Variants in SLF1 observed in about 807,000 individuals in gnomAD.
SLF1 encodes SMC5/6 complex localization factor 1.
SLF1 carries 105 observed loss-of-function variants against 123.0 expected under a neutral mutation model. The ratio of observed to expected loss-of-function variants is 0.85; its 90% CI spans 0.73 to 1.00. The LOEUF (loss-of-function observed/expected upper bound fraction) is 1.00. SLF1 is among the 50% of genes least tolerant of loss of function. SLF1 has a pLI of 0.00. For missense variants in SLF1, 1,239 were observed against 1,223.0 expected, an observed-to-expected ratio of 1.01 and a Z score of -0.20; for synonymous variants, 434 against 406.6, an observed-to-expected ratio of 1.07 and a Z score of -0.81.
At chr5:94,668,201 C>T (rs1004153343) in intron 12 of SLF1, among the ~76,000 whole-genome samples, 5 of 152,034 alleles carry the variant, frequency 3.3e-5, no homozygotes, top group South Asian at 4.2e-4. Flanking sequence ...TGTGCAGTGG[C>T]GGGATCATAG....
Position 94,692,273 on chromosome 5 carries a change from T to C in SLF1, c.2695+17T>C. The C allele has an allele frequency of 6.2e-7, 1 of 1,601,406 alleles. No individual in the cohort carries two copies. Among genetic ancestry groups the C allele is most frequent in the South Asian group, 1.1e-5 (1 of 88,848 alleles). ...AGCATGGGGGTGAGTGTGTTTATGC[T>C]AAATGGGTTTTGATAAATTATCCAG... On this transcript the variant is annotated intron_variant, in intron 20 of 20. Transcript: ENST00000265140.
At chr5:94,652,966 A>T (rs1585154963) in intron 7 of SLF1, among the ~76,000 whole-genome samples, 1 of 152,056 alleles carries the variant, frequency 6.6e-6, no homozygotes, top group East Asian at 1.9e-4. Context: ...CAAGCGATTC[A>T]CCTGCCTCAG....
rs1386329091 is a variant in SLF1 at position 94,697,247 on chromosome 5, G to A, written c.*1935G>A. 2 of 151,812 alleles carry A rather than the reference G, an allele frequency of 1.3e-5. No homozygotes were observed. The highest frequency in any genetic ancestry group is 2.9e-5 in the Non-Finnish European group (2 of 67,882). The allele number at this position is 151,812 out of a possible 1,614,324, so 9.4% of individuals were successfully genotyped here. On this transcript the variant is annotated 3_prime_UTR_variant, in exon 21 of 21. Transcript: ENST00000265140. ...TGGCAAACATAGGTTACTGTGTTCT[G>A]TGCCCTGGCTAACAATACCAGTATA...
intron 16 of SLF1, among the ~76,000 whole-genome samples, chr5:94,687,584 A>G (rs1236367921): frequency 6.6e-6 from 1 of 152,006 alleles, no homozygotes; most frequent in African/African-American, 2.4e-5. Flanking sequence ...GGTCCCAGCT[A>G]CTCGGGAGGC....
intron 16 of SLF1, 26 bp from the exon 17 acceptor site, chr5:94,688,480 A>G: frequency 6.2e-7 from 1 of 1,603,644 alleles, no homozygotes; most frequent in Non-Finnish European, 8.5e-7. Flanking sequence ...TAGTTGAGAA[A>G]ATAATGCAAT....
Position 94,697,139 on chromosome 5 carries a change from A to C in SLF1, c.*1827A>C, listed in dbSNP as rs1025588281. 2 of 151,840 alleles carry C rather than the reference A, an allele frequency of 1.3e-5. No individual in the cohort carries two copies. The highest frequency in any genetic ancestry group is 4.8e-5 in the African/African-American group (2 of 41,402). The allele number at this position is 151,840 out of a possible 1,614,324, so 9.4% of individuals were successfully genotyped here. On this transcript the variant is annotated 3_prime_UTR_variant, in exon 21 of 21. Transcript: ENST00000265140. ...ACTGCTCTGTCTGCCAACTTCTACA[A>C]GCAGTGATGACATGAAGTGTGAAAC... is the stretch of plus-strand genomic sequence containing the variant.
In SLF1 at chr5:94,630,553, A is replaced by G; in HGVS notation, c.241A>G (p.Arg81Gly). Residue 81 changes from arginine to glycine, a missense_variant, in exon 4 of 21, where the codon AGA becomes GGA. Coordinates refer to ENST00000265140, the MANE Select transcript of SLF1 (RefSeq NM_032290.4). ...DYIIHSAKSGRWLDETTYEWG... is the reference protein window; with the variant it reads ...DYIIHSAKSGGWLDETTYEWG... ...TATAATTCATAGTGCCAAAAGTGGCAGATGGCTTGATGAAACAACTTATGA... is the reference window on the plus strand; with the variant it reads ...TATAATTCATAGTGCCAAAAGTGGCGGATGGCTTGATGAAACAACTTATGA... 6.4e-7 allele frequency: 1 copy of G among 1,551,644 alleles called. No individual in the cohort carries two copies. Among genetic ancestry groups the G allele is most frequent in the Non-Finnish European group, 8.7e-7 (1 of 1,146,912 alleles).
At chr5:94,648,186 T>C (rs2152477051) in intron 5 of SLF1, among the ~76,000 whole-genome samples, 1 of 152,308 alleles carries the variant, frequency 6.6e-6, no homozygotes, top group Non-Finnish European at 1.5e-5. Flanking sequence ...GTTGATACAT[T>C]CTTTGGTCCC....
At chr5:94,645,714 A>G (rs984517997) in intron 5 of SLF1, among the ~76,000 whole-genome samples, 5 of 152,218 alleles carry the variant, frequency 3.3e-5, no homozygotes, top group African/African-American at 1.2e-4. Context: ...AGATAGCAGA[A>G]AGTCTCCAAC....
intron 4 of SLF1, among the ~76,000 whole-genome samples, chr5:94,635,137 G>T (rs200099946): frequency 1.1e-5 from 1 of 91,934 alleles, no homozygotes; most frequent in Non-Finnish European, 2.4e-5. Flanking sequence ...AGTTTATCCC[G>T]TGTTTTTTTC....
chr5:94,686,621 C>G lies in SLF1; in HGVS notation c.2024C>G (p.Ser675Cys), dbSNP rs747178627. The G allele has an allele frequency of 6.2e-7, 1 of 1,614,020 alleles. No homozygotes were observed. The highest frequency in any genetic ancestry group is 1.7e-5 in the Admixed American group (1 of 60,022). ...ATTTTCATTTGCTCCTTTTCCTCCT[C>G]CTGGCTTCAAATGTTTGTTGCAGAG... ...LEIFICSFSS[S>C]WLQMFVAEAV... is the part of the protein sequence containing the mutation. The change falls in exon 16 of 21, where the codon TCC becomes TGC. Residue 675 changes from serine to cysteine, a missense_variant. Physicochemically the swap from Ser to Cys is moderately radical, Grantham distance 112. Coordinates refer to ENST00000265140, the MANE Select transcript of SLF1 (RefSeq NM_032290.4).
In SLF1 at chr5:94,651,578, C is replaced by G. The variant is rs371855070; in HGVS notation, c.739-124C>G. On this transcript the variant is annotated intron_variant, in intron 6 of 20. Transcript: ENST00000265140. ...TCAGAGGGTTCTTTACTCTATTTAA[C>G]CTTGTATGTATATTTTACAAAATCT... The G allele has an allele frequency of 9.3e-6, 6 of 644,548 alleles. No individual in the cohort carries two copies. The South Asian group carries it at 1.6e-4, about 17-fold the overall frequency. The allele number at this position is 644,548 out of a possible 1,614,324, so 39.9% of individuals were successfully genotyped here.
At chr5:94,664,981 A>C (rs781657011) in intron 11 of SLF1, among the ~76,000 whole-genome samples, 1 of 152,200 alleles carries the variant, frequency 6.6e-6, no homozygotes, top group Non-Finnish European at 1.5e-5. Context: ...GGTAATTGTA[A>C]AATTTTCCCT....
chr5:94,666,194 T>C (rs1749733420), intron 12 of SLF1, among the ~76,000 whole-genome samples, 170 bp downstream of exon 12: 1 of 152,198 alleles, frequency 6.6e-6, no homozygotes, highest in Admixed American at 6.5e-5. Context: ...CAAATCTATA[T>C]TGGTCATGTT....
At chr5:94,643,039 C>T (rs1746621487) in intron 4 of SLF1, among the ~76,000 whole-genome samples, 1 of 151,912 alleles carries the variant, frequency 6.6e-6, no homozygotes, top group Non-Finnish European at 1.5e-5. Flanking sequence ...AAAGCCTTTC[C>T]TTTATCAAGA....
rs991481454 is a variant in SLF1, at chr5:94,643,258, T to A, written c.432-15T>A. The A allele has an allele frequency of 2.0e-6, 3 of 1,499,966 alleles. No homozygotes were observed. The highest frequency in any genetic ancestry group is 2.7e-6 in the Non-Finnish European group (3 of 1,119,556). 92.9% of individuals were successfully genotyped at this position (1,499,966 alleles called of 1,614,324 possible). On this transcript the variant is annotated splice_polypyrimidine_tract_variant and intron_variant, in intron 4 of 20. Coordinates refer to ENST00000265140, the MANE Select transcript of SLF1 (RefSeq NM_032290.4). ...AATTTTCTAATACTTTTATACCATT[T>A]ACATTTTTATTTAGAGTTTTGGAGG...
intron 16 of SLF1, 45 bp from the exon 17 acceptor site, chr5:94,688,461 C>A: frequency 1.3e-6 from 2 of 1,561,920 alleles, no homozygotes. Context: ...CTCTTTACTG[C>A]TGTTTTTGTA....
rs1328360884 is a variant in SLF1, at chr5:94,695,665, G to C, written c.*353G>C. On this transcript the variant is annotated 3_prime_UTR_variant, in exon 21 of 21. Transcript: ENST00000265140. Reference sequence around the variant, plus strand: ...AATGTCCTGTATTCTAGATGTTCTAGGTCTTAGAATCATGGCAAGCATATT... The same window carrying C: ...AATGTCCTGTATTCTAGATGTTCTACGTCTTAGAATCATGGCAAGCATATT... 1 of 152,954 alleles carries C rather than the reference G, an allele frequency of 6.5e-6. No homozygotes were observed. The highest frequency in any genetic ancestry group is 1.5e-5 in the Non-Finnish European group (1 of 68,888). 9.5% of individuals were successfully genotyped at this position (152,954 alleles called of 1,614,324 possible).
intron 14 of SLF1, among the ~76,000 whole-genome samples, chr5:94,673,693 A>T (rs1457472064): frequency 3.0e-5 from 1 of 33,444 alleles, no homozygotes; most frequent in Non-Finnish European, 5.6e-5. Flanking sequence ...TTGTCTCTTA[A>T]AAAAAAAAAA....
Sources: gnomAD v4.1 joint callset for allele counts (sites outside exome capture counted in the v4.1 genomes callset) on GRCh38, gnomAD v4.1.1 for gene constraint, MANE v1.5 for transcripts, NCBI Gene and HGNC (gene_info 2026-07-23, HGNC 2026-07-21) for gene names.